The following NUP153 variants were observed in gnomAD, a reference collection of about 807,000 sequenced individuals.
NUP153 encodes the protein nucleoporin 153.
In NUP153, 27 loss-of-function variants were observed where a neutral mutation model predicts 134.6. That is an observed-to-expected ratio of 0.20 (90% confidence interval 0.15 to 0.28). The LOEUF is 0.28. NUP153 is among the 10% of genes least tolerant of loss of function. NUP153 has a pLI of 1.00. For missense variants in NUP153, 1,821 were observed against 1,731.3 expected (o/e 1.05, Z -0.92); for synonymous variants, 640 against 623.5 (o/e 1.03, Z -0.40).
At chr6:17,646,745 T>C (rs1201501973) in intron 13 of NUP153, among the ~76,000 whole-genome samples, 1 of 151,856 alleles carries the variant, frequency 6.6e-6, no homozygotes, top group Non-Finnish European at 1.5e-5. Flanking sequence ...TCTTTCCTTT[T>C]TTTTTTGTTT....
In NUP153 at chr6:17,638,770, A is replaced by G. The variant is rs1240080887; in HGVS notation, c.1847-1000T>C. 6.6e-6 allele frequency among the ~76,000 whole-genome samples: 1 copy of G among 152,224 alleles called. No individual in the cohort carries two copies. The highest frequency in any genetic ancestry group is 2.4e-5 in the African/African-American group (1 of 41,466). ...TGCAAAGTGTAACCCCAGATACACA[A>G]GACAGACTATACACATTTGAGGCTT... On this transcript the variant is annotated intron_variant, in intron 15 of 21. Coordinates refer to ENST00000262077, the MANE Select transcript of NUP153 (RefSeq NM_005124.4). The surrounding 1 kb of genome is among the most constrained non-coding windows in gnomAD (Gnocchi z 4.0).
At position 17,616,606 on chromosome 6, in the gene NUP153, T is replaced by C; in HGVS notation, c.4264A>G (p.Ser1422Gly). The C allele has an allele frequency of 6.2e-7, 1 of 1,614,184 alleles. No homozygotes were observed. Among genetic ancestry groups the C allele is most frequent in the Non-Finnish European group, 8.5e-7 (1 of 1,180,006 alleles). The change falls in exon 21 of 22, where the codon AGC becomes GGC. Residue 1422 changes from serine to glycine, a missense_variant. By Grantham distance (56) the Ser-to-Gly change is moderately conservative. Transcript: ENST00000262077. ...SGVFTFGANS[S>G]TPAASAQPSG... ...GGCTGGGCTGAGGCTGCAGGTGTGC[T>C]AGAATTTGCACCAAATGTGAACACT... is the stretch of plus-strand genomic sequence containing the variant.
At chr6:17,629,948 T>C (rs1256607231) in intron 17 of NUP153, among the ~76,000 whole-genome samples, 1 of 152,216 alleles carries the variant, frequency 6.6e-6, no homozygotes, top group East Asian at 1.9e-4. Flanking sequence ...CTGGAGTTTG[T>C]TTTAAAGATA....
chr6:17,668,882 A>C (rs891267948), intron 8 of NUP153, 93 bp downstream of exon 8: 1 of 840,868 alleles, frequency 1.2e-6, no homozygotes, highest in African/African-American at 1.8e-5. Flanking sequence ...ATGTTCCCTA[A>C]TGTCTAAACT....
At chr6:17,626,258 C>T (rs554451455) in intron 18 of NUP153, 94 bp from the exon 19 acceptor site, 3 of 890,668 alleles carry the variant, frequency 3.4e-6, no homozygotes, top group Non-Finnish European at 5.2e-6. Flanking sequence ...ATTTTCCTAC[C>T]CTAGAATTCG....
intron 1 of NUP153, among the ~76,000 whole-genome samples, chr6:17,699,695 C>T (rs893696730): frequency 2.6e-5 from 4 of 151,756 alleles, no homozygotes; most frequent in African/African-American, 4.8e-5. Flanking sequence ...AATAGCCAGG[C>T]GTGGTGGCAC....
At chr6:17,685,350 A>G (rs1768856572) in intron 2 of NUP153, among the ~76,000 whole-genome samples, 2 of 152,002 alleles carry the variant, frequency 1.3e-5, no homozygotes, top group Admixed American at 1.3e-4. Flanking sequence ...GATCAAAACC[A>G]TCCTGGCTAA....
intron 2 of NUP153, among the ~76,000 whole-genome samples, chr6:17,684,026 G>A (rs746701549): frequency 3.9e-5 from 6 of 151,984 alleles, no homozygotes; most frequent in Non-Finnish European, 7.4e-5. Flanking sequence ...AAATAGTCTG[G>A]GACCTCCTTA....
intron 2 of NUP153, among the ~76,000 whole-genome samples, chr6:17,676,773 G>A (rs1368840330): frequency 6.6e-6 from 1 of 152,170 alleles, no homozygotes; most frequent in East Asian, 1.9e-4. Flanking sequence ...GAGACCTAGA[G>A]TCAAGTAAAA....
At chr6:17,649,012 T>TA in intron 12 of NUP153, 151 bp downstream of exon 12, 1 of 722,938 alleles carries the variant, frequency 1.4e-6, no homozygotes, top group Non-Finnish European at 2.1e-6. Flanking sequence ...TACATTTTTT[T>TA]AAAAAAGCAA....
At chr6:17,645,390 C>T (rs558160964) in intron 14 of NUP153, among the ~76,000 whole-genome samples, 6 of 151,902 alleles carry the variant, frequency 3.9e-5, no homozygotes, top group Non-Finnish European at 7.4e-5. Context: ...AATTCCTGGG[C>T]TCAAGCAATC....
chr6:17,659,926 C>G (rs1767083459), intron 11 of NUP153, among the ~76,000 whole-genome samples: 1 of 152,174 alleles, frequency 6.6e-6, no homozygotes, highest in Non-Finnish European at 1.5e-5. Context: ...TAGATTCCCT[C>G]CCTTCACAAC....
intron 8 of NUP153, among the ~76,000 whole-genome samples, chr6:17,667,352 A>G (rs1349944753): frequency 6.6e-6 from 1 of 152,194 alleles, no homozygotes; most frequent in Non-Finnish European, 1.5e-5. Flanking sequence ...AGTCATTGCA[A>G]TTAATTCATA....
intron 11 of NUP153, among the ~76,000 whole-genome samples, chr6:17,650,216 T>A (rs1481860426): frequency 6.6e-6 from 1 of 152,082 alleles, no homozygotes; most frequent in African/African-American, 2.4e-5. Context: ...GAGAGGACAC[T>A]TGGAAAATGG....
intron 2 of NUP153, among the ~76,000 whole-genome samples, chr6:17,684,093 G>A (rs967609049): frequency 1.3e-5 from 2 of 152,112 alleles, no homozygotes; most frequent in Admixed American, 1.3e-4. Flanking sequence ...TCTGCCTTCT[G>A]CCATGAGTAA....
chr6:17,677,339 C>T (rs955773756), intron 2 of NUP153, among the ~76,000 whole-genome samples: 1 of 151,638 alleles, frequency 6.6e-6, no homozygotes, highest in Non-Finnish European at 1.5e-5. Context: ...AGAGTCTCTA[C>T]ACATTATCAT....
intron 15 of NUP153, among the ~76,000 whole-genome samples, chr6:17,639,646 C>T (rs1765737042): frequency 6.6e-6 from 1 of 152,164 alleles, no homozygotes. Context: ...AAAGACATGT[C>T]TATGTGTATC....
At chr6:17,699,716 C>T (rs1769925170) in intron 1 of NUP153, among the ~76,000 whole-genome samples, 1 of 151,706 alleles carries the variant, frequency 6.6e-6, no homozygotes, top group African/African-American at 2.4e-5. Flanking sequence ...ACACCTGTAA[C>T]CCCAGTTACT....
chr6:17,701,838 G>C lies in NUP153; in HGVS notation c.111+4439C>G, dbSNP rs1051326256. On this transcript the variant is annotated intron_variant, in intron 1 of 21. Coordinates refer to ENST00000262077, the MANE Select transcript of NUP153 (RefSeq NM_005124.4). The stretch of plus-strand genomic sequence containing the variant: ...ACAGAGCAAGACTCTGTCTCGGGGG[G>C]GGGGGGAAAAAAGCTAAATGCAGGA... 7.5e-5 allele frequency among the ~76,000 whole-genome samples: 8 copies of C among 106,086 alleles called. No individual in the cohort carries two copies. In the East Asian group the frequency reaches 1.0e-3, roughly 13 times the overall value. The allele number at this position is 106,086 out of a possible 152,430, so 69.6% of individuals were successfully genotyped here. A position where few individuals can be genotyped will look rare whatever the true frequency, so the allele number is the denominator to read the frequency against.
Sources: allele counts gnomAD v4.1 joint callset (sites outside exome capture counted in the v4.1 genomes callset), GRCh38; gene constraint gnomAD v4.1.1; non-coding constraint Gnocchi (gnomAD v3.1); transcripts MANE v1.5; gene names NCBI Gene and HGNC (gene_info 2026-07-23, HGNC 2026-07-21).